Variants in PCYT2 observed in about 807,000 individuals in gnomAD.
PCYT2 encodes phosphate cytidylyltransferase 2, ethanolamine.
PCYT2 carries 33 observed loss-of-function variants against 50.0 expected under a neutral mutation model. The ratio of observed to expected loss-of-function variants is 0.66; its 90% CI spans 0.50 to 0.88. The LOEUF is 0.88. PCYT2 is among the 40% of genes least tolerant of loss of function. The pLI, the probability that PCYT2 is intolerant of heterozygous loss-of-function variation, is 0.00. For synonymous variants in PCYT2, 240 were observed against 203.7 expected, an observed-to-expected ratio of 1.18 and a Z score of -1.52; for missense variants, 430 against 519.7, an observed-to-expected ratio of 0.83 and a Z score of 1.68.
chr17:81,907,361 C>T, intron 6 of PCYT2, 193 bp downstream of exon 6: 2 of 1,248,144 alleles, frequency 1.6e-6, no homozygotes, highest in South Asian at 1.4e-5. Context: ...CAGCCGGTGC[C>T]ACCACCCGCC....
intron 9 of PCYT2, 114 bp from the exon 10 acceptor site, chr17:81,905,849 G>C: frequency 3.6e-6 from 4 of 1,121,410 alleles, no homozygotes; most frequent in Non-Finnish European, 4.1e-6. Context: ...GTGAGTAGCA[G>C]GGATGGGCTG....
At chr17:81,910,962 G>A (rs1350547293) in intron 1 of PCYT2, 2 of 990,056 alleles carry the variant, frequency 2.0e-6, no homozygotes, top group East Asian at 1.1e-4. Context: ...CAAGCTGGTT[G>A]CTGGTGGTTA....
intron 2 of PCYT2, 49 bp downstream of exon 2, chr17:81,909,465 C>G: frequency 6.4e-7 from 1 of 1,565,798 alleles, no homozygotes; most frequent in Non-Finnish European, 8.8e-7. Context: ...CAGTCGCAAC[C>G]CACAGGAGGG....
At position 81,904,751 on chromosome 17, in the gene PCYT2, G is replaced by A; in HGVS notation, c.*82C>T. The A allele has an allele frequency of 1.1e-6, 1 of 890,320 alleles. No individual in the cohort carries two copies. 55.2% of individuals were successfully genotyped at this position (890,320 alleles called of 1,614,324 possible). On this transcript the variant is annotated 3_prime_UTR_variant, in exon 13 of 13. Transcript: ENST00000538936. ...TTCCAGAGCCAGGCCAGTTAGAGAG[G>A]GCGGCCCTGCAGAGTCCTATGTCCA...
chr17:81,911,187 C>T (rs1217477448), intron 1 of PCYT2, 80 bp downstream of exon 1: 16 of 1,016,464 alleles, frequency 1.6e-5, no homozygotes, highest in Non-Finnish European at 1.9e-5. Flanking sequence ...CGGGCCCGGT[C>T]CCCGGGCAAC....
chr17:81,902,366 C>CGGG lies in PCYT2; in HGVS notation c.*2464_*2466dup, dbSNP rs2039985542. On this transcript the variant is annotated 3_prime_UTR_variant, in exon 13 of 13. Transcript: ENST00000538936. ...GGCCTCGCGTGGTACAAGCCAGCGG[C>CGGG]GGGGCACAGCTCCTACTCGGTGGGC... 1 of 1,340,514 alleles carries CGGG rather than the reference C, an allele frequency of 7.5e-7. No individual in the cohort carries two copies. Among genetic ancestry groups the CGGG allele is most frequent in the South Asian group, 2.0e-5 (1 of 50,882 alleles). The allele number at this position is 1,340,514 out of a possible 1,614,324, so 83.0% of individuals were successfully genotyped here.
rs2039939702 is a variant in PCYT2, at chr17:81,901,136, C to G, written c.*3697G>C. 1 of 152,234 alleles carries G rather than the reference C, an allele frequency of 6.6e-6. No homozygotes were observed. Among genetic ancestry groups the G allele is most frequent in the African/African-American group, 2.4e-5 (1 of 41,458 alleles). The allele number at this position is 152,234 out of a possible 1,614,324, so 9.4% of individuals were successfully genotyped here. On this transcript the variant is annotated 3_prime_UTR_variant, in exon 13 of 13. Transcript: ENST00000538936. Reference sequence around the variant, plus strand: ...TGGCCAAAGGCTGCAGAGCCCCTGGCAAGCCACTGGTGTAGGTCCGAGAGT... The same window carrying G: ...TGGCCAAAGGCTGCAGAGCCCCTGGGAAGCCACTGGTGTAGGTCCGAGAGT...
At chr17:81,907,160 G>A in intron 6 of PCYT2, 1 of 1,460,874 alleles carries the variant, frequency 6.8e-7, no homozygotes. Context: ...GGTGCACACA[G>A]CCCTTGGGAG....
At position 81,908,563 on chromosome 17, in the gene PCYT2, C is replaced by T; in HGVS notation, c.407+5G>A. ...TGGATGGCCAGGCCCGCGGTGGAGA[C>T]TCACCTGTACCTCCCAGCCTGCTTT... is the stretch of plus-strand genomic sequence containing the variant. On this transcript the variant is annotated splice_donor_5th_base_variant and intron_variant, in intron 4 of 12. Coordinates refer to ENST00000538936, the MANE Select transcript of PCYT2 (RefSeq NM_002861.5). 1 of 1,610,648 alleles carries T rather than the reference C, an allele frequency of 6.2e-7. No individual in the cohort carries two copies. Among genetic ancestry groups the T allele is most frequent in the Non-Finnish European group, 8.5e-7 (1 of 1,177,258 alleles).
rs1263648114 is a variant in PCYT2, at chr17:81,903,654, C to G, written c.*1179G>C. On this transcript the variant is annotated 3_prime_UTR_variant, in exon 13 of 13. Transcript: ENST00000538936. ...TGGCCTGTGCCCCCCACACCTTGGC[C>G]CCTGGCTCGGAGAGCAGGGTGACAG... is the stretch of plus-strand genomic sequence containing the variant. 2 of 152,300 alleles carry G rather than the reference C, an allele frequency of 1.3e-5. No individual in the cohort carries two copies. The highest frequency in any genetic ancestry group is 6.5e-5 in the Admixed American group (1 of 15,290). The allele number at this position is 152,300 out of a possible 1,614,324, so 9.4% of individuals were successfully genotyped here.
intron 6 of PCYT2, chr17:81,907,130 A>G: frequency 7.8e-7 from 1 of 1,285,526 alleles, no homozygotes; most frequent in Non-Finnish European, 1.1e-6. Context: ...CACCAGGAGG[A>G]GGCAAGGAGC....
intron 8 of PCYT2, 98 bp from the exon 9 acceptor site, chr17:81,906,275 G>A: frequency 2.5e-6 from 3 of 1,222,878 alleles, no homozygotes; most frequent in Non-Finnish European, 2.3e-6. Context: ...CGGGGAGGTT[G>A]CTCGCCCTTG....
rs763933748 is a variant in PCYT2 at position 81,902,626 on chromosome 17, T to C, written c.*2207A>G. Reference sequence around the variant, plus strand: ...TTGCTTGCCTGCCCCCCAGGCTGTGTGCGTCCAGGACGTCGCCCCAAACCT... The same window carrying C: ...TTGCTTGCCTGCCCCCCAGGCTGTGCGCGTCCAGGACGTCGCCCCAAACCT... On this transcript the variant is annotated 3_prime_UTR_variant, in exon 13 of 13. Transcript: ENST00000538936. 2.5e-6 allele frequency: 4 copies of C among 1,592,522 alleles called. No individual in the cohort carries two copies. In the Admixed American group the frequency reaches 5.2e-5, roughly 21 times the overall value.
chr17:81,909,380 T>G, intron 2 of PCYT2, 134 bp downstream of exon 2: 3 of 1,442,276 alleles, frequency 2.1e-6, no homozygotes, highest in Non-Finnish European at 2.8e-6. Context: ...GGGGCTGGGC[T>G]GGGTGAGCCT....
At chr17:81,911,092 G>C in intron 1 of PCYT2, 175 bp downstream of exon 1, 1 of 1,002,308 alleles carries the variant, frequency 1.0e-6, no homozygotes, top group Non-Finnish European at 1.2e-6. Flanking sequence ...AGGGCGCGGA[G>C]CCTCTGCAGC....
At chr17:81,907,456 G>A in intron 6 of PCYT2, 98 bp downstream of exon 6, 1 of 1,348,524 alleles carries the variant, frequency 7.4e-7, no homozygotes, top group Non-Finnish European at 1.0e-6. Flanking sequence ...GGAGGGTGAG[G>A]CTCTGGGCTG....
rs1449369410 is a variant in PCYT2, at chr17:81,904,066, T to C, written c.*767A>G. ...TCCTCCTTATTCTAGCATCGCCTGC[T>C]ACAGGGGGTGGCCCCAGGCTTTGGA... On this transcript the variant is annotated 3_prime_UTR_variant, in exon 13 of 13. Coordinates refer to ENST00000538936, the MANE Select transcript of PCYT2 (RefSeq NM_002861.5). The C allele has an allele frequency of 6.6e-6, 1 of 152,238 alleles. No homozygotes were observed. Among genetic ancestry groups the C allele is most frequent in the Non-Finnish European group, 1.5e-5 (1 of 68,084 alleles). The allele number at this position is 152,238 out of a possible 1,614,324, so 9.4% of individuals were successfully genotyped here. A position where few individuals can be genotyped will look rare whatever the true frequency, so the allele number is the denominator to read the frequency against.
In PCYT2 at chr17:81,908,985, G is replaced by A. The variant is rs748640038; in HGVS notation, c.231C>T (p.Tyr77=). ...CCCATTTGATGGCCTGCACCATCTTGTATCTCTCCTCCTGAGTGAACACCG... is the reference window on the plus strand; with the variant it reads ...CCCATTTGATGGCCTGCACCATCTTATATCTCTCCTCCTGAGTGAACACCG... ...GPPVFTQEER[Y]KMVQAIKWVD... The change falls in exon 3 of 13, where the codon TAC becomes TAT. Residue 77 remains tyrosine (Y), a synonymous_variant. Coordinates refer to ENST00000538936, the MANE Select transcript of PCYT2 (RefSeq NM_002861.5). 3.5e-5 allele frequency: 56 copies of A among 1,613,892 alleles called. No homozygotes were observed. The highest frequency in any genetic ancestry group is 4.3e-5 in the Non-Finnish European group (51 of 1,179,994).
Position 81,909,606 on chromosome 17 carries a change from T to C in PCYT2, c.90-4A>G. On this transcript the variant is annotated splice_region_variant and splice_polypyrimidine_tract_variant and intron_variant, in intron 1 of 12. Transcript: ENST00000538936. The stretch of plus-strand genomic sequence containing the variant: ...GCCGTAATGCACCATGTCATAGCTG[T>C]GGAGACAGAGAGAGTGGGTGGTCCC... 1 of 1,612,534 alleles carries C rather than the reference T, an allele frequency of 6.2e-7. No homozygotes were observed.
Sources: allele counts gnomAD v4.1 joint callset, GRCh38; gene constraint gnomAD v4.1.1; transcripts MANE v1.5; gene names NCBI Gene and HGNC (gene_info 2026-07-23, HGNC 2026-07-21).